Variants in GPBP1 observed in about 807,000 individuals in gnomAD.
GPBP1 encodes vasculin.
GPBP1 carries 13 observed loss-of-function variants against 56.5 expected under a neutral mutation model. The observed-to-expected ratio is 0.23, with a 90% CI of 0.15 to 0.37. The LOEUF (loss-of-function observed/expected upper bound fraction) is 0.37, where lower values mean the gene tolerates loss of function less well. Among genes scored for constraint, GPBP1 ranks in the 10% least tolerant of loss-of-function variants. GPBP1 has a pLI of 1.00. For missense variants in GPBP1, 477 were observed against 572.3 expected, an observed-to-expected ratio of 0.83 and a Z score of 1.70; for synonymous variants, 204 against 188.9, an observed-to-expected ratio of 1.08 and a Z score of -0.66.
At position 57,259,069 on chromosome 5, in the gene GPBP1, A is replaced by G. The variant is rs970225267; in HGVS notation, c.1161-2111A>G. The stretch of plus-strand genomic sequence containing the variant: ...GCTATTCCAAAAGGAGGCCATCCAG[A>G]TTAAAGAGTAAAGATAGTGCATTGG... On this transcript the variant is annotated intron_variant, in intron 10 of 11. Coordinates refer to ENST00000506184, the MANE Select transcript of GPBP1 (RefSeq NM_022913.4). 2.0e-5 allele frequency among the ~76,000 whole-genome samples: 3 copies of G among 152,254 alleles called. No homozygotes were observed. The East Asian group carries it at 5.8e-4, about 29-fold the overall frequency.
chr5:57,261,138 A>G (rs1741878016), intron 10 of GPBP1, 42 bp from the exon 11 acceptor site: 1 of 1,209,968 alleles, frequency 8.3e-7, no homozygotes, highest in Non-Finnish European at 1.2e-6. Flanking sequence ...TGTCCTACTC[A>G]GGGTAAGCTT....
chr5:57,221,241 G>A (rs979952592), intron 3 of GPBP1: 41 of 599,410 alleles, frequency 6.8e-5, no homozygotes, highest in Non-Finnish European at 1.1e-4. Flanking sequence ...ATTTTACACA[G>A]TCTTTTCATT....
chr5:57,254,693 A>C (rs1741563302), intron 10 of GPBP1, among the ~76,000 whole-genome samples: 1 of 123,828 alleles, frequency 8.1e-6, no homozygotes, highest in Non-Finnish European at 1.7e-5. Context: ...AGACTGTCTC[A>C]AAAAAAAAAA....
intron 2 of GPBP1, among the ~76,000 whole-genome samples, chr5:57,181,802 C>T (rs1216554115): frequency 6.6e-6 from 1 of 152,158 alleles, no homozygotes; most frequent in Non-Finnish European, 1.5e-5. Context: ...AGGTCCATTA[C>T]CTTCAACAGA....
intron 3 of GPBP1, among the ~76,000 whole-genome samples, chr5:57,224,432 G>A (rs547425070): frequency 1.8e-4 from 27 of 151,662 alleles, no homozygotes; most frequent in East Asian, 3.9e-4. Context: ...TAGTAGAGAC[G>A]GGGTTTCACC....
In GPBP1 at chr5:57,207,551, T is replaced by C. The variant is rs140737974; in HGVS notation, c.-57-6523T>C. 3.3e-3 allele frequency among the ~76,000 whole-genome samples: 500 copies of C among 152,310 alleles called. 1 individual carries two copies. Among genetic ancestry groups the C allele is most frequent in the South Asian group, 5.4e-3 (26 of 4,832 alleles). ...GGGCATGTGTTACAGGGTGCCCTTT[T>C]AGTCTAGCCATCCATAGGCGGCTTG... On this transcript the variant is annotated intron_variant, in intron 2 of 11. Coordinates refer to ENST00000506184, the MANE Select transcript of GPBP1 (RefSeq NM_022913.4).
intron 2 of GPBP1, among the ~76,000 whole-genome samples, chr5:57,210,389 T>A (rs1440603960): frequency 6.6e-6 from 1 of 152,216 alleles, no homozygotes; most frequent in Non-Finnish European, 1.5e-5. Flanking sequence ...TATGTCCACA[T>A]GGGACCTTCA....
intron 2 of GPBP1, among the ~76,000 whole-genome samples, chr5:57,187,003 AGTGTGTGTGTGTGTGTGTGTGTGT>A (rs66642664): frequency 6.8e-6 from 1 of 146,674 alleles, no homozygotes; most frequent in African/African-American, 2.5e-5. Context: ...GACTCAGAGA[AGTGTGTGTGTGTGTGTGTGTGTGT>A]GTGTGTGTGT....
chr5:57,253,253 G>A (rs1741476913), intron 10 of GPBP1, among the ~76,000 whole-genome samples: 1 of 152,144 alleles, frequency 6.6e-6, no homozygotes, highest in African/African-American at 2.4e-5. Context: ...AGCAAAGAAA[G>A]TTAATAGTTT....
intron 2 of GPBP1, among the ~76,000 whole-genome samples, chr5:57,182,823 A>G (rs1010379880): frequency 2.0e-5 from 3 of 152,136 alleles, no homozygotes; most frequent in Non-Finnish European, 2.9e-5. Context: ...AGCTGGGACT[A>G]TAGGCGCATG....
chr5:57,214,305 G>C, intron 3 of GPBP1, 112 bp downstream of exon 3: 1 of 969,238 alleles, frequency 1.0e-6, no homozygotes, highest in East Asian at 2.5e-5. Context: ...TACATTTGTG[G>C]CTGGGCGCGG....
chr5:57,198,276 A>G (rs1053282008), intron 2 of GPBP1, among the ~76,000 whole-genome samples: 10 of 152,124 alleles, frequency 6.6e-5, no homozygotes, highest in Admixed American at 1.3e-4. Context: ...TTCATCAGTT[A>G]TTATGCTTTC....
intron 2 of GPBP1, among the ~76,000 whole-genome samples, 155 bp downstream of exon 2, chr5:57,176,555 TTGTC>T (rs1402773129): frequency 1.8e-4 from 27 of 151,722 alleles, no homozygotes; most frequent in African/African-American, 6.0e-4. Flanking sequence ...CTATTAACCA[TTGTC>T]TGAGTAAACT....
intron 3 of GPBP1, among the ~76,000 whole-genome samples, chr5:57,225,216 T>C (rs1379719539): frequency 2.0e-5 from 3 of 152,144 alleles, no homozygotes; most frequent in Non-Finnish European, 4.4e-5. Context: ...CCCAGCACTT[T>C]GGGAGGCCAA....
At chr5:57,211,070 A>G (rs879198890) in intron 2 of GPBP1, among the ~76,000 whole-genome samples, 5 of 152,188 alleles carry the variant, frequency 3.3e-5, no homozygotes, top group Admixed American at 6.5e-5. Flanking sequence ...AGATGGCACA[A>G]TGCAGTTAAG....
At chr5:57,182,541 T>G (rs531129064) in intron 2 of GPBP1, among the ~76,000 whole-genome samples, 1 of 150,586 alleles carries the variant, frequency 6.6e-6, no homozygotes, top group Non-Finnish European at 1.5e-5. Context: ...CTTAGCTAAT[T>G]TTTGTATTTT....
intron 2 of GPBP1, among the ~76,000 whole-genome samples, chr5:57,192,755 A>AAG (rs2111645372): frequency 2.0e-5 from 2 of 100,108 alleles, no homozygotes; most frequent in South Asian, 5.6e-4. Context: ...CTCCGTCTCA[A>AAG]AAAAAAAAAA....
At chr5:57,241,492 G>A (rs941404944) in intron 6 of GPBP1, among the ~76,000 whole-genome samples, 4 of 152,162 alleles carry the variant, frequency 2.6e-5, no homozygotes, top group South Asian at 2.1e-4. Flanking sequence ...TTGGGAGGCC[G>A]AGGTGGGAAG....
intron 3 of GPBP1, among the ~76,000 whole-genome samples, chr5:57,224,637 C>A (rs1279095110): frequency 6.6e-6 from 1 of 152,040 alleles, no homozygotes; most frequent in East Asian, 1.9e-4. Context: ...TGGGGTCTTG[C>A]TATGTTGCCA....
Sources: gnomAD v4.1 joint callset for allele counts (sites outside exome capture counted in the v4.1 genomes callset) on GRCh38, gnomAD v4.1.1 for gene constraint, MANE v1.5 for transcripts, NCBI Gene and HGNC (gene_info 2026-07-23, HGNC 2026-07-21) for gene names.